TXNDC8: variants seen among roughly 807,000 people sequenced by gnomAD.
TXNDC8 encodes thioredoxin domain containing 8.
TXNDC8 carries 15 observed loss-of-function variants against 12.9 expected under a neutral mutation model. The ratio of observed to expected loss-of-function variants is 1.16; its 90% confidence interval spans 0.78 to 1.79. The LOEUF is 1.79. TXNDC8 is among the 40% of genes most tolerant of loss of function. The pLI, the probability that TXNDC8 is intolerant of heterozygous loss-of-function variation, is 0.00. For missense variants in TXNDC8, 128 were observed against 113.2 expected (o/e 1.13, Z -0.59); for synonymous variants, 40 against 35.4 (o/e 1.13, Z -0.46).
intron 2 of TXNDC8, among the ~76,000 whole-genome samples, chr9:110,327,644 A>T (rs1375702972): frequency 6.6e-6 from 1 of 152,170 alleles, no homozygotes; most frequent in African/African-American, 2.4e-5. Flanking sequence ...ACATTCTATA[A>T]TATGAATGCA....
chr9:110,334,249 A>G lies in TXNDC8; in HGVS notation c.96T>C (p.Cys32=). ...CAGGAAACATCCTTTTGCAGGGACC[A>G]CACCGTTTCGAAGAAAATTGAACCA... The change falls in exon 2 of 5, where the codon TGT becomes TGC. Residue 32 remains cysteine (C), a synonymous_variant. Transcript: ENST00000423740. The G allele has an allele frequency of 1.2e-6, 2 of 1,613,916 alleles. No homozygotes were observed. Among genetic ancestry groups the G allele is most frequent in the Non-Finnish European group, 1.7e-6 (2 of 1,179,800 alleles).
rs1420694135 is a variant in TXNDC8 at position 110,323,609 on chromosome 9, A to G, written c.195+2566T>C. The G allele has an allele frequency of 1.4e-5, 4 of 292,996 alleles. No individual in the cohort carries two copies. In the South Asian group the frequency reaches 2.6e-4, roughly 19 times the overall value. The allele number at this position is 292,996 out of a possible 1,614,324, so 18.1% of individuals were successfully genotyped here. On this transcript the variant is annotated intron_variant, in intron 3 of 4. Transcript: ENST00000423740. ...AAGGAGAGTAGCCTGGGAGAACACC[A>G]GATATGTTCATCAGAATTTTTTGGG...
chr9:110,316,971 T>G (rs151320087), intron 3 of TXNDC8, among the ~76,000 whole-genome samples: 19 of 152,300 alleles, frequency 1.2e-4, no homozygotes, highest in African/African-American at 4.1e-4. Flanking sequence ...CAAAAACAAG[T>G]GGAGGGTCGG....
chr9:110,328,455 G>A (rs1302236245), intron 2 of TXNDC8, among the ~76,000 whole-genome samples: 1 of 152,188 alleles, frequency 6.6e-6, no homozygotes, highest in African/African-American at 2.4e-5. Context: ...GTAAGATATT[G>A]CAAGAGAAAA....
intron 3 of TXNDC8, chr9:110,322,630 C>T: frequency 1.0e-6 from 1 of 985,384 alleles, no homozygotes; most frequent in Non-Finnish European, 1.2e-6. Flanking sequence ...CTTGTGTCAT[C>T]ATAAAATGGA....
At chr9:110,308,769 G>A (rs527659245) in intron 3 of TXNDC8, among the ~76,000 whole-genome samples, 71 of 152,250 alleles carry the variant, frequency 4.7e-4, no homozygotes, top group African/African-American at 1.6e-3. Context: ...GGCTTCTAAC[G>A]ATTTGAACCC....
intron 3 of TXNDC8, chr9:110,323,273 A>G (rs749525440): frequency 2.5e-5 from 25 of 985,304 alleles, no homozygotes; most frequent in Admixed American, 1.2e-4. Context: ...AACCAAAAAG[A>G]TAGATATCCA....
chr9:110,321,799 A>G (rs1468442647), intron 3 of TXNDC8, among the ~76,000 whole-genome samples: 3 of 151,628 alleles, frequency 2.0e-5, no homozygotes, highest in Non-Finnish European at 2.9e-5. Context: ...CTCTGGTTCT[A>G]GTGACTTTCC....
chr9:110,318,631 G>A (rs952666901), intron 3 of TXNDC8, among the ~76,000 whole-genome samples: 6 of 152,088 alleles, frequency 3.9e-5, no homozygotes, highest in Admixed American at 3.9e-4. Context: ...CCAGCTACTT[G>A]GGAGGCTGAG....
chr9:110,311,444 T>G (rs978690510), intron 3 of TXNDC8, among the ~76,000 whole-genome samples: 1 of 143,262 alleles, frequency 7.0e-6, no homozygotes, highest in African/African-American at 2.5e-5. Context: ...AAAAGCTTAT[T>G]TAAAGGTTAT....
chr9:110,325,002 C>A (rs1387577309), intron 3 of TXNDC8, among the ~76,000 whole-genome samples: 1 of 152,150 alleles, frequency 6.6e-6, no homozygotes, highest in Non-Finnish European at 1.5e-5. Context: ...ATCCCAGCTA[C>A]TCGGGAGGCT....
At chr9:110,322,099 G>C (rs901459053) in intron 3 of TXNDC8, among the ~76,000 whole-genome samples, 14 of 152,176 alleles carry the variant, frequency 9.2e-5, no homozygotes, top group Admixed American at 5.2e-4. Flanking sequence ...ATTGATCCAG[G>C]TATGAATCTG....
chr9:110,330,035 C>T (rs1332386758), intron 2 of TXNDC8, among the ~76,000 whole-genome samples: 1 of 152,150 alleles, frequency 6.6e-6, no homozygotes, highest in African/African-American at 2.4e-5. Context: ...GAGGAAGTGG[C>T]AGCAGCCACA....
chr9:110,332,277 A>G (rs940397991), intron 2 of TXNDC8, among the ~76,000 whole-genome samples: 2 of 152,186 alleles, frequency 1.3e-5, no homozygotes, highest in Non-Finnish European at 2.9e-5. Context: ...GGTGGTCTGG[A>G]ACTCCTGGCC....
intron 3 of TXNDC8, among the ~76,000 whole-genome samples, chr9:110,310,223 G>GTGCA (rs1209077637): frequency 6.6e-6 from 1 of 151,626 alleles, no homozygotes; most frequent in Non-Finnish European, 1.5e-5. Flanking sequence ...GTGTGTGTGT[G>GTGCA]TGCATGTGTA....
Position 110,337,757 on chromosome 9 carries a change from C to G in TXNDC8, c.24+16G>C. ...TCCACATTTGAAATACTCAGTGAAGCCAAATAAATACTTGCCGTGTCTTTA... is the reference window on the plus strand; with the variant it reads ...TCCACATTTGAAATACTCAGTGAAGGCAAATAAATACTTGCCGTGTCTTTA... On this transcript the variant is annotated intron_variant, in intron 1 of 4. Coordinates refer to ENST00000423740, the MANE Select transcript of TXNDC8 (RefSeq NM_001286946.2). 1 of 1,613,414 alleles carries G rather than the reference C, an allele frequency of 6.2e-7. No individual in the cohort carries two copies. The highest frequency in any genetic ancestry group is 8.5e-7 in the Non-Finnish European group (1 of 1,179,528).
At chr9:110,303,346 C>T (rs763057748), downstream of TXNDC8, among the ~76,000 whole-genome samples, 12 of 152,210 alleles carry the variant, frequency 7.9e-5, no homozygotes, top group Middle Eastern at 3.2e-3. Flanking sequence ...TGCAATCTCT[C>T]ATATTGCAAC....
intron 3 of TXNDC8, among the ~76,000 whole-genome samples, chr9:110,305,747 TCCTTC>T (rs1264486494): frequency 1.8e-4 from 27 of 146,294 alleles, no homozygotes; most frequent in Admixed American, 3.6e-4. Flanking sequence ...TTTCTTCCCT[TCCTTC>T]CCTTCCCTTC....
At chr9:110,316,325 A>T (rs922404937) in intron 3 of TXNDC8, among the ~76,000 whole-genome samples, 1 of 152,182 alleles carries the variant, frequency 6.6e-6, no homozygotes, top group Non-Finnish European at 1.5e-5. Flanking sequence ...TATGTCTAAT[A>T]AAAATTTTTA....
Sources: gnomAD v4.1 joint callset for allele counts (sites outside exome capture counted in the v4.1 genomes callset) on GRCh38, gnomAD v4.1.1 for gene constraint, MANE v1.5 for transcripts, NCBI Gene and HGNC (gene_info 2026-07-23, HGNC 2026-07-21) for gene names.